SYNPO: variants seen among roughly 807,000 people sequenced by gnomAD.
SYNPO encodes synaptopodin.
Under a neutral mutation model 49.5 loss-of-function variants are expected in SYNPO, and 19 were observed. The observed-to-expected ratio is 0.38, with a 90% CI of 0.27 to 0.56. The LOEUF is 0.56. SYNPO is among the 20% of genes least tolerant of loss of function. The pLI is 0.68. For missense variants in SYNPO, 1,131 were observed against 1,248.3 expected (o/e 0.91, Z 1.42); for synonymous variants, 536 against 548.0 (o/e 0.98, Z 0.31).
intron 1 of SYNPO, among the ~76,000 whole-genome samples, chr5:150,646,086 T>G (rs1158485018): frequency 6.6e-6 from 1 of 152,096 alleles, no homozygotes; most frequent in African/African-American, 2.4e-5. Flanking sequence ...TCTCAGCATT[T>G]TAGGAAGCCA....
At chr5:150,628,067 G>GTGTGTGTGTGTGTGTGTGTGTGT (rs1561643388) in intron 2 of SYNPO, among the ~76,000 whole-genome samples, 11 of 126,784 alleles carry the variant, frequency 8.7e-5, no homozygotes, top group African/African-American at 3.2e-4. Context: ...TGTGTGTGTG[G>GTGTGTGTGTGTGTGTGTGTGTGT]TCAGAGTCTT....
Position 150,650,037 on chromosome 5 carries a change from G to T in SYNPO, c.1762G>T (p.Ala588Ser). 1.2e-6 allele frequency: 2 copies of T among 1,612,544 alleles called. No individual in the cohort carries two copies. Among genetic ancestry groups the T allele is most frequent in the Non-Finnish European group, 1.7e-6 (2 of 1,179,972 alleles). Residue 588 changes from alanine to serine, a missense_variant, in exon 2 of 3, where the codon GCC (alanine) becomes TCC (serine). This residue lies in a region of SYNPO where 509 missense variants were observed against 484.5 expected (regional missense o/e 1.05). Coordinates refer to ENST00000307662, the MANE Select transcript of SYNPO (RefSeq NM_007286.6). ...GCCTGCCAAGGTCTCACCAAGAGCT[G>T]CCTCGCCCGCCAAGCCCAGCTCCTT... ...KEPAKVSPRA[A>S]SPAKPSSLDL...
At position 150,648,054 on chromosome 5, in the gene SYNPO, G is replaced by A. The variant is rs899596103; in HGVS notation, c.-222G>A. 1.6e-5 allele frequency: 25 copies of A among 1,551,694 alleles called. No homozygotes were observed. In the Middle Eastern group the frequency reaches 6.7e-4, roughly 41 times the overall value. On this transcript the variant is annotated 5_prime_UTR_variant, in exon 2 of 3. Transcript: ENST00000307662. The surrounding 1 kb of genome is among the most constrained non-coding windows in gnomAD (Gnocchi z 5.0). ...CCCTCCCAGCTCCAATTCCCGTGGC[G>A]TCCAGCTCTTCAACAGGCGCCGGCA...
chr5:150,652,710 C>T (rs1758433337), intron 2 of SYNPO: 1 of 152,312 alleles, frequency 6.6e-6, no homozygotes, highest in African/African-American at 2.4e-5. Context: ...ATTCCTCTAG[C>T]CAGCATTCGC....
At chr5:150,607,166 A>G (rs1320257148) in intron 1 of SYNPO, among the ~76,000 whole-genome samples, 1 of 152,190 alleles carries the variant, frequency 6.6e-6, no homozygotes, top group African/African-American at 2.4e-5. Context: ...CAAAATGCCA[A>G]CTGCCTAGGT....
In SYNPO at chr5:150,656,533, C is replaced by G; in HGVS notation, c.2158C>G (p.Pro720Ala). 1 of 1,528,530 alleles carries G rather than the reference C, an allele frequency of 6.5e-7. No individual in the cohort carries two copies. Among genetic ancestry groups the G allele is most frequent in the Non-Finnish European group, 8.7e-7 (1 of 1,144,022 alleles). 94.7% of individuals were successfully genotyped at this position (1,528,530 alleles called of 1,614,324 possible). The change falls in exon 3 of 3, where the codon CCG becomes GCG. Residue 720 changes from proline (P) to alanine (A), a missense_variant. Pro to Ala is a conservative substitution (Grantham distance 27). Around this residue, in one of 4 missense-constraint regions of SYNPO, gnomAD observed 509 missense variants for 484.5 expected, o/e 1.05. Transcript: ENST00000307662. ...PGRGSSMSSP[P>A]PLPPPPPMSP... is the part of the protein sequence containing the mutation. ...TCGCGGGAGCAGCATGAGCAGCCCC[C>G]CGCCGCTGCCGCCGCCACCGCCCAT...
Position 150,610,542 on chromosome 5 carries a change from T to G in SYNPO, c.-265-7561T>G, listed in dbSNP as rs567319102. ...GTGAGGAAGAAACAAGAAACAAGATTGATACAGTGCCCAGCACATGCTCAA... is the reference window on the plus strand; with the variant it reads ...GTGAGGAAGAAACAAGAAACAAGATGGATACAGTGCCCAGCACATGCTCAA... On this transcript the variant is annotated intron_variant, in intron 1 of 2. Coordinates refer to the SYNPO transcript ENST00000394243. 3.3e-5 allele frequency among the ~76,000 whole-genome samples: 5 copies of G among 152,292 alleles called. No homozygotes were observed. In the South Asian group the frequency reaches 1.0e-3, roughly 32 times the overall value.
chr5:150,645,300 G>T (rs1202118779), intron 1 of SYNPO, among the ~76,000 whole-genome samples: 1 of 152,202 alleles, frequency 6.6e-6, no homozygotes, highest in Non-Finnish European at 1.5e-5. Context: ...GGAGGGGAGG[G>T]CAGGGTCAGA....
At chr5:150,603,641 G>A (rs1368761366) in intron 1 of SYNPO, among the ~76,000 whole-genome samples, 1 of 152,204 alleles carries the variant, frequency 6.6e-6, no homozygotes, top group Non-Finnish European at 1.5e-5. Flanking sequence ...ACAGGCAAAG[G>A]GTACCAAGCT....
At chr5:150,651,244 C>A in intron 2 of SYNPO, 5 of 1,002,692 alleles carry the variant, frequency 5.0e-6, no homozygotes, top group Non-Finnish European at 6.0e-6. Context: ...TAAAAGAAGC[C>A]ACCTCAGCGC....
chr5:150,643,197 T>C (rs941568762), intron 1 of SYNPO, among the ~76,000 whole-genome samples: 1 of 152,182 alleles, frequency 6.6e-6, no homozygotes, highest in African/African-American at 2.4e-5. Context: ...TGGTGCTCTC[T>C]GCAGTAACGT....
intron 1 of SYNPO, among the ~76,000 whole-genome samples, chr5:150,642,222 GC>G (rs1316882018): frequency 6.6e-6 from 1 of 152,206 alleles, no homozygotes; most frequent in Non-Finnish European, 1.5e-5. Flanking sequence ...CTGTGCTGGG[GC>G]TTCTCGCCTA....
chr5:150,618,994 C>T (rs10068456), intron 2 of SYNPO, among the ~76,000 whole-genome samples: 2,724 of 151,378 alleles, frequency 0.018, 68 homozygotes, highest in African/African-American at 0.062. Flanking sequence ...AAAGAGGGCA[C>T]GTGAGAAGGC....
chr5:150,598,877 G>A (rs151304048), upstream of SYNPO, among the ~76,000 whole-genome samples: 3 of 152,284 alleles, frequency 2.0e-5, no homozygotes, highest in East Asian at 5.8e-4. Flanking sequence ...CATGGTGGGG[G>A]GTCTGGCTTG....
rs200094717 is a variant in SYNPO at position 150,650,216 on chromosome 5, C to G, written c.1941C>G (p.Pro647=). The G allele has an allele frequency of 1.2e-6, 2 of 1,613,946 alleles. No homozygotes were observed. Reference sequence around the variant, plus strand: ...CTCCTTACGGCGGTGACATCTCCCCCGTGTCTCCCTCCAGGGCGTGGTCTC... The same window carrying G: ...CTCCTTACGGCGGTGACATCTCCCCGGTGTCTCCCTCCAGGGCGTGGTCTC... The part of the protein sequence containing the change: ...VSPPYGGDIS[P]VSPSRAWSPR... Residue 647 remains proline (P), a synonymous_variant, in exon 2 of 3, where the codon CCC becomes CCG. Coordinates refer to ENST00000307662, the MANE Select transcript of SYNPO (RefSeq NM_007286.6).
rs1286922812 is a variant in SYNPO at position 150,656,537 on chromosome 5, C to A, written c.2162C>A (p.Pro721Gln). The change falls in exon 3 of 3, where the codon CCG becomes CAG. Residue 721 changes from proline to glutamine, a missense_variant. Pro to Gln is a moderately conservative substitution (Grantham distance 76). Transcript: ENST00000307662. ...GGGAGCAGCATGAGCAGCCCCCCGCCGCTGCCGCCGCCACCGCCCATGTCT... is the reference window on the plus strand; with the variant it reads ...GGGAGCAGCATGAGCAGCCCCCCGCAGCTGCCGCCGCCACCGCCCATGTCT... ...GRGSSMSSPPPLPPPPPMSPS... is the reference protein window; with the variant it reads ...GRGSSMSSPPQLPPPPPMSPS... 1.3e-6 allele frequency: 2 copies of A among 1,527,864 alleles called. No homozygotes were observed. Among genetic ancestry groups the A allele is most frequent in the African/African-American group, 2.8e-5 (2 of 71,780 alleles). 94.6% of individuals were successfully genotyped at this position (1,527,864 alleles called of 1,614,324 possible).
chr5:150,649,520 C>T lies in SYNPO; in HGVS notation c.1245C>T (p.Gly415=), dbSNP rs374106847. 1.9e-5 allele frequency: 30 copies of T among 1,611,636 alleles called. No individual in the cohort carries two copies. The highest frequency in any genetic ancestry group is 2.4e-5 in the Non-Finnish European group (28 of 1,178,936). The change falls in exon 2 of 3, where the codon GGC becomes GGT. Residue 415 remains glycine, a synonymous_variant. Transcript: ENST00000307662. ...KRRQRDQGEV[G]VEEEPFALGA... ...GGCAGAGGGACCAGGGGGAGGTAGG[C>T]GTGGAGGAGGAGCCCTTCGCACTGG... is the stretch of plus-strand genomic sequence containing the variant.
intron 1 of SYNPO, among the ~76,000 whole-genome samples, chr5:150,644,662 G>T (rs1758025078): frequency 6.6e-6 from 1 of 152,216 alleles, no homozygotes; most frequent in South Asian, 2.1e-4. Context: ...AACTTGCCAA[G>T]GTCACACGGC....
At chr5:150,650,958 T>C in intron 2 of SYNPO, 1 of 1,254,920 alleles carries the variant, frequency 8.0e-7, no homozygotes, top group Non-Finnish European at 1.0e-6. Flanking sequence ...TTCTGCTGGC[T>C]GCGGACTCGG....
Sources: allele counts gnomAD v4.1 joint callset (sites outside exome capture counted in the v4.1 genomes callset), GRCh38; gene constraint gnomAD v4.1.1; regional missense constraint gnomAD v4.1.1; non-coding constraint Gnocchi (gnomAD v3.1); transcripts MANE v1.5; gene names NCBI Gene and HGNC (gene_info 2026-07-23, HGNC 2026-07-21).